Variants in COL6A2 observed in about 807,000 individuals in gnomAD.
The protein encoded by COL6A2 is collagen alpha-2(VI) chain.
Under a neutral mutation model 124.9 loss-of-function variants are expected in COL6A2, and 90 were observed. The observed-to-expected ratio is 0.72, with a 90% CI of 0.61 to 0.86. The LOEUF (loss-of-function observed/expected upper bound fraction) is 0.86. COL6A2 is among the 40% of genes least tolerant of loss of function. COL6A2 has a pLI of 0.00. For missense variants in COL6A2, 1,607 were observed against 1,502.5 expected, an observed-to-expected ratio of 1.07 and a Z score of -1.15; for synonymous variants, 793 against 618.2, an observed-to-expected ratio of 1.28 and a Z score of -4.19.
chr21:46,129,973 G>A (rs970516282), intron 27 of COL6A2, among the ~76,000 whole-genome samples: 4 of 152,184 alleles, frequency 2.6e-5, no homozygotes, highest in African/African-American at 4.8e-5. Context: ...CCAGCACCAG[G>A]TTCCAGCGGA....
intron 5 of COL6A2, among the ~76,000 whole-genome samples, chr21:46,114,407 A>G (rs1047414222): frequency 3.3e-5 from 5 of 151,388 alleles, no homozygotes; most frequent in Admixed American, 6.6e-5. Flanking sequence ...CCTGGGCAAC[A>G]GAGTAAGACT....
chr21:46,117,320 G>A (rs1049498025), intron 10 of COL6A2, 80 bp from the exon 11 acceptor site: 2 of 1,412,312 alleles, frequency 1.4e-6, no homozygotes, highest in African/African-American at 2.8e-5. Context: ...GGCAGAACCG[G>A]GTGGGCTGTG....
intron 20 of COL6A2, 36 bp downstream of exon 20, chr21:46,122,567 G>A (rs2078583687): frequency 1.2e-6 from 2 of 1,611,022 alleles, no homozygotes; most frequent in Admixed American, 1.7e-5. Flanking sequence ...GCCCACCCAG[G>A]GTGGGGGTCT....
chr21:46,117,938 T>C lies in COL6A2; in HGVS notation c.1116+2T>C. On this transcript the variant is annotated splice_donor_variant, in intron 12 of 27. Transcript: ENST00000300527. LOFTEE classifies it high-confidence loss of function. Reference sequence around the variant, plus strand: ...GAGCGAGGAGACCAAGGCGGCAAGGTAAGTGGCCTTGTCAGGGTACGGGGC... The same window carrying C: ...GAGCGAGGAGACCAAGGCGGCAAGGCAAGTGGCCTTGTCAGGGTACGGGGC... 1 of 1,611,826 alleles carries C rather than the reference T, an allele frequency of 6.2e-7. No homozygotes were observed. Among genetic ancestry groups the C allele is most frequent in the Non-Finnish European group, 8.5e-7 (1 of 1,179,272 alleles).
chr21:46,120,282 C>T (rs1470397926), intron 15 of COL6A2, among the ~76,000 whole-genome samples: 2 of 152,196 alleles, frequency 1.3e-5, no homozygotes, highest in Non-Finnish European at 1.5e-5. Context: ...CGAGGTCCTA[C>T]CCACGTGTGG....
In COL6A2 at chr21:46,118,618, AC is replaced by A. The variant is rs1568931424; in HGVS notation, c.1124del (p.Pro375LeufsTer33). The A allele has an allele frequency of 3.7e-6, 6 of 1,612,322 alleles. No homozygotes were observed. The highest frequency in any genetic ancestry group is 5.1e-6 in the Non-Finnish European group (6 of 1,179,802). On this transcript the variant is annotated frameshift_variant, in exon 13 of 28. Transcript: ENST00000300527. LOFTEE classifies it high-confidence loss of function. The part of the protein sequence containing the change: ...GERGDQGGKG[D>X]PGRPGRRGPP... Reference sequence around the variant, plus strand: ...TGATTCTGCAAACCCTTCCAGGGGGACCCTGGCCGCCCAGGACGCAGAGGGC... The same window carrying A: ...TGATTCTGCAAACCCTTCCAGGGGGACCTGGCCGCCCAGGACGCAGAGGGC...
chr21:46,121,972 C>A, intron 18 of COL6A2, 136 bp from the exon 19 acceptor site: 1 of 928,546 alleles, frequency 1.1e-6, no homozygotes, highest in Non-Finnish European at 1.7e-6. Flanking sequence ...CCTGCCAGGC[C>A]TCTGCTCACA....
chr21:46,121,229 G>T, intron 17 of COL6A2, 106 bp downstream of exon 17: 1 of 1,145,568 alleles, frequency 8.7e-7, no homozygotes. Flanking sequence ...AGCAAACCCA[G>T]GCAGCAGAGC....
In COL6A2 at chr21:46,126,053, G is replaced by A. The variant is rs535581551; in HGVS notation, c.2238G>A (p.Ala746=). The A allele has an allele frequency of 5.6e-5, 91 of 1,613,034 alleles. No homozygotes were observed. The highest frequency in any genetic ancestry group is 2.7e-4 in the Admixed American group (16 of 60,030). ...DPRDDDLNLR[A]LCDRDVTVTA... is the part of the protein sequence containing the mutation. Reference sequence around the variant, plus strand: ...GGGACGATGACCTCAACTTGCGGGCGCTGTGCGACCGCGACGTCACAGTGA... The same window carrying A: ...GGGACGATGACCTCAACTTGCGGGCACTGTGCGACCGCGACGTCACAGTGA... The change falls in exon 26 of 28, where the codon GCG becomes GCA. Residue 746 remains alanine, a synonymous_variant. Transcript: ENST00000300527.
chr21:46,125,213 GAA>G, intron 23 of COL6A2, 51 bp from the exon 24 acceptor site: 1 of 1,554,206 alleles, frequency 6.4e-7, no homozygotes, highest in Non-Finnish European at 8.9e-7. Context: ...CCTTGCTGTG[GAA>G]ACTCTTCTGG....
intron 4 of COL6A2, 75 bp downstream of exon 4, chr21:46,112,899 C>G: frequency 6.3e-7 from 1 of 1,576,328 alleles, no homozygotes. Context: ...AGGCTGCCGA[C>G]TCCTGGCGCC....
chr21:46,121,149 G>C, intron 17 of COL6A2, 26 bp downstream of exon 17: 1 of 1,610,718 alleles, frequency 6.2e-7, no homozygotes, highest in Non-Finnish European at 8.5e-7. Flanking sequence ...GGAGGCCGGT[G>C]CCCTCTGACC....
intron 5 of COL6A2, among the ~76,000 whole-genome samples, chr21:46,114,378 T>C (rs1303906919): frequency 6.8e-6 from 1 of 147,520 alleles, no homozygotes; most frequent in Non-Finnish European, 1.5e-5. Context: ...TGAGCAGAGA[T>C]CACGCCACTG....
intron 1 of COL6A2, among the ~76,000 whole-genome samples, chr21:46,099,889 C>CTTTTTTTTTTTTTTTTTTTTTTTTTT (rs869028897): frequency 1.1e-5 from 1 of 91,840 alleles, no homozygotes; most frequent in Non-Finnish European, 2.1e-5. Flanking sequence ...GCAGCACTGT[C>CTTTTTTTTTTTTTTTTTTTTTTTTTT]TTTTTTTTTT....
intron 27 of COL6A2, among the ~76,000 whole-genome samples, chr21:46,131,600 T>G (rs960951840): frequency 6.6e-6 from 1 of 152,198 alleles, no homozygotes; most frequent in South Asian, 2.1e-4. Flanking sequence ...CAGTGGCCCT[T>G]TTGTGGGCAG....
intron 23 of COL6A2, 63 bp from the exon 24 acceptor site, chr21:46,125,203 C>A: frequency 1.3e-6 from 2 of 1,494,498 alleles, no homozygotes; most frequent in South Asian, 1.1e-5. Context: ...CAGGCCAGGA[C>A]CTTGCTGTGG....
At chr21:46,120,377 G>A in intron 15 of COL6A2, 138 bp from the exon 16 acceptor site, 2 of 680,632 alleles carry the variant, frequency 2.9e-6, no homozygotes, top group South Asian at 1.9e-5. Flanking sequence ...ACAGGCGACT[G>A]TTGCAGGTCC....
At chr21:46,127,309 C>G (rs931188419) in intron 27 of COL6A2, among the ~76,000 whole-genome samples, 3 of 152,232 alleles carry the variant, frequency 2.0e-5, no homozygotes, top group Admixed American at 6.5e-5. Flanking sequence ...TCAGCGCTTC[C>G]TCAGCACGCG....
At chr21:46,115,221 G>A (rs1195436572) in intron 5 of COL6A2, among the ~76,000 whole-genome samples, 2 of 152,236 alleles carry the variant, frequency 1.3e-5, no homozygotes, top group African/African-American at 4.8e-5. Context: ...GTGGCAAGGT[G>A]CCAAGCGGAG....
Sources: gnomAD v4.1 joint callset for allele counts (sites outside exome capture counted in the v4.1 genomes callset) on GRCh38, gnomAD v4.1.1 for gene constraint, MANE v1.5 for transcripts, NCBI Gene and HGNC (gene_info 2026-07-23, HGNC 2026-07-21) for gene names.